The following GBE1 variants were observed in gnomAD, a reference collection of about 807,000 sequenced individuals.
GBE1 encodes the protein 1,4-alpha-glucan-branching enzyme.
GBE1 carries 70 observed loss-of-function variants against 88.8 expected under a neutral mutation model. The ratio of observed to expected loss-of-function variants is 0.79; its 90% CI spans 0.65 to 0.96. The LOEUF is 0.96. Among genes scored for constraint, GBE1 ranks in the 40% least tolerant of loss-of-function variants. The probability of loss-of-function intolerance (pLI) is 0.00; values close to 1 mark genes in which losing one functional copy is unlikely to be tolerated. For synonymous variants in GBE1, 284 were observed against 300.1 expected, an observed-to-expected ratio of 0.95 and a Z score of 0.56; for missense variants, 872 against 871.0, an observed-to-expected ratio of 1.00 and a Z score of -0.01.
At chr3:81,543,076 C>T (rs1332738326) in intron 12 of GBE1, among the ~76,000 whole-genome samples, 1 of 151,854 alleles carries the variant, frequency 6.6e-6, no homozygotes. Context: ...TCTCAAGAAG[C>T]ATATTCATAT....
chr3:81,533,492 T>C (rs1352437819), intron 14 of GBE1, among the ~76,000 whole-genome samples: 1 of 152,064 alleles, frequency 6.6e-6, no homozygotes, highest in Non-Finnish European at 1.5e-5. Context: ...GGGAAGAAAG[T>C]AGGGAACCAT....
intron 3 of GBE1, 135 bp from the exon 4 acceptor site, chr3:81,650,056 C>T: frequency 1.7e-6 from 1 of 604,932 alleles, no homozygotes; most frequent in Non-Finnish European, 2.8e-6. Flanking sequence ...AGATGTGTGA[C>T]CTTCAGGAAC....
intron 12 of GBE1, among the ~76,000 whole-genome samples, chr3:81,570,613 A>T (rs1332238314): frequency 6.6e-6 from 1 of 152,182 alleles, no homozygotes; most frequent in Non-Finnish European, 1.5e-5. Flanking sequence ...GACTGGTGTA[A>T]TTGTAACTTA....
intron 13 of GBE1, among the ~76,000 whole-genome samples, chr3:81,536,120 C>G (rs1473664484): frequency 6.6e-6 from 1 of 151,828 alleles, no homozygotes; most frequent in Non-Finnish European, 1.5e-5. Context: ...TTTGCTCTCT[C>G]TTCTGGAAAT....
intron 1 of GBE1, among the ~76,000 whole-genome samples, chr3:81,757,454 G>A (rs1292561551): frequency 6.6e-6 from 1 of 152,146 alleles, no homozygotes; most frequent in Admixed American, 6.5e-5. Flanking sequence ...AGAATGGAGT[G>A]AAGATTTGAA....
At chr3:81,567,453 T>C (rs1239613528) in intron 12 of GBE1, among the ~76,000 whole-genome samples, 1 of 152,188 alleles carries the variant, frequency 6.6e-6, no homozygotes, top group Non-Finnish European at 1.5e-5. Flanking sequence ...ATTTTATTTA[T>C]CCAGTTCTCT....
intron 3 of GBE1, among the ~76,000 whole-genome samples, chr3:81,653,124 A>C (rs1429942868): frequency 2.0e-5 from 3 of 152,270 alleles, no homozygotes; most frequent in Non-Finnish European, 4.4e-5. Context: ...AAAGCAGTAT[A>C]AAATTTCTGA....
intron 12 of GBE1, among the ~76,000 whole-genome samples, chr3:81,537,526 A>G (rs1013572319): frequency 6.6e-6 from 1 of 152,002 alleles, no homozygotes; most frequent in African/African-American, 2.4e-5. Flanking sequence ...TCCTCAAAGG[A>G]ACTCTCTATT....
chr3:81,702,331 A>G (rs1705711077), intron 2 of GBE1, among the ~76,000 whole-genome samples: 2 of 151,948 alleles, frequency 1.3e-5, no homozygotes, highest in African/African-American at 2.4e-5. Context: ...CTCAATTTTC[A>G]AATTGTTTGT....
intron 12 of GBE1, among the ~76,000 whole-genome samples, chr3:81,543,096 T>C (rs1438075572): frequency 6.6e-6 from 1 of 152,122 alleles, no homozygotes; most frequent in African/African-American, 2.4e-5. Context: ...TAATATGTAA[T>C]ATGAAATTAA....
At position 81,674,459 on chromosome 3, in the gene GBE1, T is replaced by G. The variant is rs548263371; in HGVS notation, c.314-3506A>C. ...TCATTAAGGTGTATCCAGGTGTAATTGCAGGAACCAATCATGGAAGCACAC... is the reference window on the plus strand; with the variant it reads ...TCATTAAGGTGTATCCAGGTGTAATGGCAGGAACCAATCATGGAAGCACAC... On this transcript the variant is annotated intron_variant, in intron 2 of 15. Coordinates refer to ENST00000429644, the MANE Select transcript of GBE1 (RefSeq NM_000158.4). Among the ~76,000 whole-genome samples, 22 of 152,042 alleles carry G rather than the reference T, an allele frequency of 1.4e-4. No homozygotes were observed. In the South Asian group the frequency reaches 4.4e-3, roughly 30 times the overall value.
In GBE1 at chr3:81,609,247, C is replaced by T. The variant is rs142114601; in HGVS notation, c.993-15224G>A. Among the ~76,000 whole-genome samples the T allele has an allele frequency of 2.4e-3, 363 of 152,220 alleles. 1 individual carries two copies. The highest frequency in any genetic ancestry group is 5.6e-3 in the South Asian group (27 of 4,824). ...CTGAAAACTCAAAACCAGTAATATG[C>T]CTACGTGGCCAATTTTGGGATGACA... On this transcript the variant is annotated intron_variant, in intron 7 of 15. Coordinates refer to ENST00000429644, the MANE Select transcript of GBE1 (RefSeq NM_000158.4).
intron 5 of GBE1, among the ~76,000 whole-genome samples, chr3:81,647,411 A>G (rs962733791): frequency 1.3e-5 from 2 of 152,182 alleles, no homozygotes; most frequent in Non-Finnish European, 2.9e-5. Flanking sequence ...GTTTTGCTCT[A>G]ACAGTAAATA....
In GBE1 at chr3:81,663,214, T is replaced by C. The variant is rs536414112; in HGVS notation, c.429+7624A>G. Among the ~76,000 whole-genome samples the C allele has an allele frequency of 8.5e-5, 13 of 152,226 alleles. No homozygotes were observed. The East Asian group carries it at 1.9e-3, about 23-fold the overall frequency. On this transcript the variant is annotated intron_variant, in intron 3 of 15. Coordinates refer to ENST00000429644, the MANE Select transcript of GBE1 (RefSeq NM_000158.4). ...CACTCCTGCCCTTCCAGCCGAAATG[T>C]TGCATTTTCCAATACCACCCTGGCC...
intron 8 of GBE1, among the ~76,000 whole-genome samples, chr3:81,592,151 G>C (rs77437508): frequency 6.6e-6 from 1 of 152,022 alleles, no homozygotes; most frequent in Non-Finnish European, 1.5e-5. Context: ...GTGTGTGTGC[G>C]CGCGTGTGTG....
intron 7 of GBE1, among the ~76,000 whole-genome samples, chr3:81,609,750 T>G (rs1195929210): frequency 3.3e-5 from 5 of 152,204 alleles, no homozygotes; most frequent in Non-Finnish European, 7.3e-5. Flanking sequence ...TACAAAGTGT[T>G]TCACTGTTAA....
At chr3:81,581,674 GA>G (rs1298216779) in intron 10 of GBE1, among the ~76,000 whole-genome samples, 2 of 152,030 alleles carry the variant, frequency 1.3e-5, no homozygotes, top group East Asian at 1.9e-4. Context: ...TTGTTTATAT[GA>G]AAAAAATTAG....
At chr3:81,742,640 T>C (rs1008362824) in intron 1 of GBE1, among the ~76,000 whole-genome samples, 1 of 152,114 alleles carries the variant, frequency 6.6e-6, no homozygotes, top group Non-Finnish European at 1.5e-5. Flanking sequence ...TAGAAATTAC[T>C]ACTGGCCTGG....
intron 7 of GBE1, among the ~76,000 whole-genome samples, chr3:81,611,207 A>G (rs907996783): frequency 3.3e-5 from 5 of 152,208 alleles, no homozygotes; most frequent in Admixed American, 1.3e-4. Context: ...ATAAAATAGC[A>G]AACAAGGATG....
Sources: gnomAD v4.1 joint callset for allele counts (sites outside exome capture counted in the v4.1 genomes callset) on GRCh38, gnomAD v4.1.1 for gene constraint, MANE v1.5 for transcripts, NCBI Gene and HGNC (gene_info 2026-07-23, HGNC 2026-07-21) for gene names.